Variants in CHST9 observed in about 807,000 individuals in gnomAD.
CHST9 encodes the protein GalNAc-4-sulfotransferase 2.
A neutral mutation model predicts 44.4 loss-of-function variants in CHST9; 41 were observed. The observed-to-expected ratio is 0.92, with a 90% CI of 0.72 to 1.20. The LOEUF is 1.20. Among genes scored for constraint, CHST9 ranks in the 50% most tolerant of loss-of-function variants. The pLI, the probability that CHST9 is intolerant of heterozygous loss-of-function variation, is 0.00. For synonymous variants in CHST9, 171 were observed against 178.4 expected (o/e 0.96, Z 0.33); for missense variants, 504 against 516.5 (o/e 0.98, Z 0.23).
At chr18:27,150,114 T>C (rs1156987808) in intron 1 of CHST9, among the ~76,000 whole-genome samples, 5 of 151,186 alleles carry the variant, frequency 3.3e-5, no homozygotes, top group African/African-American at 4.9e-5. Flanking sequence ...TTTTTTTTTT[T>C]CTTTCTCTTT....
At chr18:26,974,642 C>A (rs1420930376) in intron 4 of CHST9, among the ~76,000 whole-genome samples, 2 of 151,740 alleles carry the variant, frequency 1.3e-5, no homozygotes, top group African/African-American at 2.4e-5. Flanking sequence ...ATATAGTAGG[C>A]AGAGCAGGCA....
intron 3 of CHST9, among the ~76,000 whole-genome samples, chr18:27,037,992 C>A (rs2057406940): frequency 6.6e-6 from 1 of 151,886 alleles, no homozygotes; most frequent in African/African-American, 2.4e-5. Context: ...AATTAGGATA[C>A]CAAGAATAGG....
At chr18:27,003,819 C>T (rs1420143957) in intron 4 of CHST9, among the ~76,000 whole-genome samples, 2 of 152,038 alleles carry the variant, frequency 1.3e-5, no homozygotes, top group African/African-American at 4.8e-5. Flanking sequence ...CTTGTATATA[C>T]ACCATGAAAT....
chr18:26,925,399 G>A (rs1156497994), intron 5 of CHST9, among the ~76,000 whole-genome samples: 4 of 152,198 alleles, frequency 2.6e-5, no homozygotes, highest in Non-Finnish European at 4.4e-5. Context: ...TGAGCTCAGA[G>A]AATTTAAATA....
chr18:27,076,567 TTCCCTACCAAC>T (rs2057906315), intron 2 of CHST9, among the ~76,000 whole-genome samples: 1 of 152,190 alleles, frequency 6.6e-6, no homozygotes, highest in African/African-American at 2.4e-5. Context: ...GAGCCTATAC[TTCCCTACCAAC>T]TCCTATTGAC....
intron 2 of CHST9, among the ~76,000 whole-genome samples, chr18:27,130,024 A>G (rs1160029504): frequency 6.6e-6 from 1 of 152,184 alleles, no homozygotes; most frequent in East Asian, 1.9e-4. Flanking sequence ...GGGGAAGGGA[A>G]AAAATCAGCA....
At chr18:27,110,799 T>A (rs1408333817) in intron 2 of CHST9, among the ~76,000 whole-genome samples, 1 of 152,218 alleles carries the variant, frequency 6.6e-6, no homozygotes, top group Non-Finnish European at 1.5e-5. Context: ...GCTAGGGCAT[T>A]GTGACCTAAG....
intron 3 of CHST9, among the ~76,000 whole-genome samples, chr18:27,028,019 G>A (rs924140906): frequency 1.3e-5 from 2 of 152,080 alleles, no homozygotes; most frequent in Admixed American, 1.3e-4. Flanking sequence ...GGGTTCAAGC[G>A]ATTCTCCTGC....
intron 4 of CHST9, among the ~76,000 whole-genome samples, chr18:26,984,747 A>G (rs1307635201): frequency 2.0e-5 from 3 of 150,346 alleles, no homozygotes; most frequent in Non-Finnish European, 4.4e-5. Flanking sequence ...AAAAAAAAAG[A>G]AATTGAAAAG....
At chr18:26,967,884 C>T (rs1267710828) in intron 4 of CHST9, among the ~76,000 whole-genome samples, 2 of 152,232 alleles carry the variant, frequency 1.3e-5, no homozygotes, top group African/African-American at 4.8e-5. Context: ...ACTAGACTGG[C>T]TAAGTTTTCT....
At chr18:27,044,317 C>G (rs556116172) in intron 3 of CHST9, among the ~76,000 whole-genome samples, 2 of 152,098 alleles carry the variant, frequency 1.3e-5, no homozygotes, top group Non-Finnish European at 2.9e-5. Context: ...AAGTCCTGGA[C>G]CATTAAAATA....
chr18:26,985,629 T>C (rs1367274410), intron 4 of CHST9, among the ~76,000 whole-genome samples: 1 of 152,190 alleles, frequency 6.6e-6, no homozygotes, highest in African/African-American at 2.4e-5. Flanking sequence ...GAAAGGTGCA[T>C]GCAGTTCAAA....
At chr18:27,169,296 T>G (rs1022901268) in intron 1 of CHST9, among the ~76,000 whole-genome samples, 1 of 152,146 alleles carries the variant, frequency 6.6e-6, no homozygotes, top group Non-Finnish European at 1.5e-5. Context: ...AATTTAGAAG[T>G]CATAAGCATA....
chr18:27,087,606 A>C (rs1280906848), intron 2 of CHST9, among the ~76,000 whole-genome samples: 1 of 152,222 alleles, frequency 6.6e-6, no homozygotes, highest in Non-Finnish European at 1.5e-5. Flanking sequence ...ACACAGAACT[A>C]TAACTCATGG....
At chr18:27,138,277 G>T (rs1376926387) in intron 2 of CHST9, among the ~76,000 whole-genome samples, 1 of 152,250 alleles carries the variant, frequency 6.6e-6, no homozygotes, top group East Asian at 1.9e-4. Context: ...TCACCATGGT[G>T]CTCAGCACAT....
intron 2 of CHST9, among the ~76,000 whole-genome samples, chr18:27,068,047 C>A (rs2057800213): frequency 6.6e-6 from 1 of 151,984 alleles, no homozygotes; most frequent in Non-Finnish European, 1.5e-5. Flanking sequence ...CCTAACCATG[C>A]CCCTAAAAGG....
intron 4 of CHST9, among the ~76,000 whole-genome samples, chr18:26,991,951 T>C (rs2056821680): frequency 7.8e-6 from 1 of 127,590 alleles, no homozygotes; most frequent in South Asian, 2.4e-4. Flanking sequence ...TGGGCAGTTG[T>C]TGTGAGGGAA....
intron 2 of CHST9, among the ~76,000 whole-genome samples, chr18:27,101,954 C>T (rs767212595): frequency 7.9e-5 from 12 of 152,176 alleles, no homozygotes; most frequent in Non-Finnish European, 1.6e-4. Flanking sequence ...TTAAAAACCA[C>T]AGGAAATCAC....
chr18:27,147,266 C>T (rs951355660), intron 1 of CHST9, among the ~76,000 whole-genome samples: 1 of 151,932 alleles, frequency 6.6e-6, no homozygotes, highest in African/African-American at 2.4e-5. Flanking sequence ...GGGGTTTCTC[C>T]GTGTTTGTCA....
Sources: allele counts gnomAD v4.1 joint callset (sites outside exome capture counted in the v4.1 genomes callset), GRCh38; gene constraint gnomAD v4.1.1; transcripts MANE v1.5; gene names NCBI Gene and HGNC (gene_info 2026-07-23, HGNC 2026-07-21).